The following SLC13A4 variants were observed in gnomAD, a reference collection of about 807,000 sequenced individuals.
The protein encoded by SLC13A4 is solute carrier family 13 member 4.
A neutral mutation model predicts 72.7 loss-of-function variants in SLC13A4; 28 were observed. That is an observed-to-expected ratio of 0.39 (90% CI 0.29 to 0.53). The LOEUF is 0.53. SLC13A4 is among the 20% of genes least tolerant of loss of function. SLC13A4 has a pLI of 0.78. For synonymous variants in SLC13A4, 312 were observed against 325.5 expected (o/e 0.96, Z 0.45); for missense variants, 653 against 788.0 (o/e 0.83, Z 2.05).
intron 14 of SLC13A4, among the ~76,000 whole-genome samples, chr7:135,685,003 G>A (rs1396663942): frequency 1.3e-5 from 2 of 152,210 alleles, no homozygotes; most frequent in Non-Finnish European, 2.9e-5. Context: ...AAATTGGTCT[G>A]AGGTTGTGGA....
At chr7:135,724,817 T>G (rs894794857) in intron 1 of SLC13A4, among the ~76,000 whole-genome samples, 12 of 152,186 alleles carry the variant, frequency 7.9e-5, no homozygotes, top group African/African-American at 2.9e-4. Context: ...CCATGGAATC[T>G]CCATAAACTT....
chr7:135,705,737 G>T, intron 4 of SLC13A4, 87 bp from the exon 5 acceptor site: 1 of 1,156,650 alleles, frequency 8.6e-7, no homozygotes, highest in Non-Finnish European at 1.3e-6. Flanking sequence ...GGCTTAGGGC[G>T]GAGGTGGGCC....
chr7:135,692,548 C>T (rs1795812554), intron 10 of SLC13A4, 124 bp from the exon 11 acceptor site: 1 of 646,734 alleles, frequency 1.5e-6, no homozygotes, highest in African/African-American at 1.8e-5. Context: ...CACTCACTGC[C>T]TAACCACTAT....
chr7:135,720,616 A>G (rs1796527658), intron 2 of SLC13A4, among the ~76,000 whole-genome samples: 1 of 151,344 alleles, frequency 6.6e-6, no homozygotes, highest in African/African-American at 2.4e-5. Context: ...CCAGGTGTTA[A>G]TAATGAGACA....
intron 1 of SLC13A4, among the ~76,000 whole-genome samples, chr7:135,722,257 A>AAAAC (rs148180858): frequency 0.48 from 69,679 of 144,712 alleles, 16,192 homozygotes; most frequent in African/African-American, 0.52. Context: ...CTGTCTCAAA[A>AAAAC]AAACAAGCAA....
At chr7:135,691,176 C>G (rs1398865322) in intron 13 of SLC13A4, 25 bp downstream of exon 13, 5 of 1,415,534 alleles carry the variant, frequency 3.5e-6, no homozygotes, top group Middle Eastern at 1.9e-4. Context: ...AAAAAAACCC[C>G]AAAAAAACAG....
intron 13 of SLC13A4, among the ~76,000 whole-genome samples, chr7:135,689,281 C>G (rs577798854): frequency 9.9e-5 from 15 of 151,942 alleles, no homozygotes; most frequent in Non-Finnish European, 2.1e-4. Context: ...ATAAATATCC[C>G]GAACTTGGAA....
At chr7:135,688,559 G>C (rs142399755) in intron 13 of SLC13A4, among the ~76,000 whole-genome samples, 3 of 152,194 alleles carry the variant, frequency 2.0e-5, no homozygotes, top group African/African-American at 7.2e-5. Context: ...GCCCGGCCTA[G>C]TAAAGTGAAA....
intron 2 of SLC13A4, among the ~76,000 whole-genome samples, chr7:135,710,344 C>T (rs1386659784): frequency 2.6e-5 from 4 of 151,990 alleles, no homozygotes; most frequent in African/African-American, 4.8e-5. Context: ...TGCAGTAAGC[C>T]GAGATCGCGC....
At chr7:135,688,087 G>T (rs1316935291) in intron 13 of SLC13A4, among the ~76,000 whole-genome samples, 7 of 149,036 alleles carry the variant, frequency 4.7e-5, no homozygotes, top group Non-Finnish European at 8.9e-5. Flanking sequence ...GCAATTCTCT[G>T]GCCTCAGCCT....
At chr7:135,707,953 G>C in intron 3 of SLC13A4, 161 bp downstream of exon 3, 1 of 744,698 alleles carries the variant, frequency 1.3e-6, no homozygotes, top group South Asian at 2.0e-5. Context: ...ATGATCACAG[G>C]CCCTCTCCCT....
chr7:135,705,887 G>T lies in SLC13A4; in HGVS notation c.539-237C>A, dbSNP rs1563164372. 2.7e-5 allele frequency: 15 copies of T among 564,824 alleles called. No individual in the cohort carries two copies. In the East Asian group the frequency reaches 3.9e-4, roughly 15 times the overall value. The allele number at this position is 564,824 out of a possible 1,614,324, so 35.0% of individuals were successfully genotyped here. A position where few individuals can be genotyped will look rare whatever the true frequency, so the allele number is the denominator to read the frequency against. ...CAGTGTGTACCCTTGAGCATTTGGG[G>T]GAAAAGAGCCCAGAAGTGAAGGAGG... On this transcript the variant is annotated intron_variant, in intron 4 of 15. Coordinates refer to ENST00000682651, the MANE Select transcript of SLC13A4 (RefSeq NM_001318192.2).
intron 3 of SLC13A4, chr7:135,707,444 A>G (rs1203622555): frequency 6.6e-6 from 1 of 152,210 alleles, no homozygotes; most frequent in African/African-American, 2.4e-5. Flanking sequence ...TATATTATTT[A>G]TTTATACTCG....
At chr7:135,722,691 T>C (rs1388410851) in intron 1 of SLC13A4, among the ~76,000 whole-genome samples, 3 of 152,244 alleles carry the variant, frequency 2.0e-5, no homozygotes, top group African/African-American at 7.2e-5. Flanking sequence ...TAGTAAATTT[T>C]AATCAAATAA....
chr7:135,703,002 T>TGC, intron 5 of SLC13A4, 118 bp from the exon 6 acceptor site: 1 of 730,678 alleles, frequency 1.4e-6, no homozygotes. Flanking sequence ...TCCAGTTTTC[T>TGC]AGTCTCCAGA....
intron 9 of SLC13A4, among the ~76,000 whole-genome samples, chr7:135,694,567 G>C (rs1795860461): frequency 6.6e-6 from 1 of 152,186 alleles, no homozygotes; most frequent in Non-Finnish European, 1.5e-5. Flanking sequence ...AAAATAATCA[G>C]TGTAATGTGG....
chr7:135,708,038 C>A, intron 3 of SLC13A4, 76 bp downstream of exon 3: 2 of 1,555,918 alleles, frequency 1.3e-6, no homozygotes, highest in Non-Finnish European at 1.8e-6. Flanking sequence ...CCCGCAGTGA[C>A]CTGAGACCAC....
intron 8 of SLC13A4, among the ~76,000 whole-genome samples, chr7:135,696,359 T>A (rs1470599009): frequency 6.6e-6 from 1 of 151,956 alleles, no homozygotes; most frequent in Admixed American, 6.6e-5. Context: ...TTATTTTTAT[T>A]TTTTTTTGAG....
chr7:135,691,447 GGGT>G, intron 12 of SLC13A4, 98 bp downstream of exon 12: 1 of 621,320 alleles, frequency 1.6e-6, no homozygotes, highest in Non-Finnish European at 2.9e-6. Flanking sequence ...GCCGGGAGGG[GGGT>G]GGGAATCTGA....
Sources: allele counts gnomAD v4.1 joint callset (sites outside exome capture counted in the v4.1 genomes callset), GRCh38; gene constraint gnomAD v4.1.1; transcripts MANE v1.5; gene names NCBI Gene and HGNC (gene_info 2026-07-23, HGNC 2026-07-21).